The following PLEKHO2 variants were observed in gnomAD, a reference collection of about 807,000 sequenced individuals.
The protein encoded by PLEKHO2 is pleckstrin homology domain containing O2, also known as pleckstrin homology domain-containing family O member 2.
In PLEKHO2, 20 loss-of-function variants were observed where a neutral mutation model predicts 32.7. The ratio of observed to expected loss-of-function variants is 0.61; its 90% CI spans 0.43 to 0.89. PLEKHO2 has a LOEUF of 0.89. Among genes scored for constraint, PLEKHO2 ranks in the 40% least tolerant of loss-of-function variants. The pLI is 0.00. For synonymous variants in PLEKHO2, 247 were observed against 246.3 expected, an observed-to-expected ratio of 1.00 and a Z score of -0.03; for missense variants, 568 against 621.2, an observed-to-expected ratio of 0.91 and a Z score of 0.91.
At chr15:64,859,648 G>C (rs1339253673) in intron 3 of PLEKHO2, among the ~76,000 whole-genome samples, 1 of 152,244 alleles carries the variant, frequency 6.6e-6, no homozygotes, top group Non-Finnish European at 1.5e-5. Flanking sequence ...CATGGAGCTG[G>C]ACCAGATCCG....
chr15:64,866,500 AG>A lies in PLEKHO2; in HGVS notation c.*613del, dbSNP rs1351812895. On this transcript the variant is annotated 3_prime_UTR_variant, in exon 6 of 6. Transcript: ENST00000323544. ...GAGGCCTCTTTGTGAGGAGGACATT[AG>A]CTGTGTGGCCTCTCTCTCTTTGGCC... 2.4e-6 allele frequency: 1 copy of A among 413,796 alleles called. No individual in the cohort carries two copies. The highest frequency in any genetic ancestry group is 2.8e-5 in the Admixed American group (1 of 35,350). 25.6% of individuals were successfully genotyped at this position (413,796 alleles called of 1,614,324 possible).
At chr15:64,859,827 C>A in intron 3 of PLEKHO2, 67 bp from the exon 4 acceptor site, 1 of 1,362,760 alleles carries the variant, frequency 7.3e-7, no homozygotes, top group Admixed American at 1.7e-5. Context: ...GTAAGGAAGC[C>A]TCCTTAAGAT....
At chr15:64,845,828 G>A (rs2140337935) in intron 1 of PLEKHO2, among the ~76,000 whole-genome samples, 1 of 152,286 alleles carries the variant, frequency 6.6e-6, no homozygotes, top group East Asian at 1.9e-4. Flanking sequence ...GTCATGAGTG[G>A]AGAGAGTTTA....
chr15:64,857,010 C>T (rs967975658), intron 3 of PLEKHO2, among the ~76,000 whole-genome samples: 5 of 152,212 alleles, frequency 3.3e-5, no homozygotes, highest in Non-Finnish European at 7.3e-5. Flanking sequence ...CCTGCTTCTC[C>T]AGCCCCACAC....
At chr15:64,856,076 A>G (rs1167370343) in intron 3 of PLEKHO2, among the ~76,000 whole-genome samples, 1 of 151,952 alleles carries the variant, frequency 6.6e-6, no homozygotes, top group Non-Finnish European at 1.5e-5. Flanking sequence ...ATCCCAGGGT[A>G]GCGGCTGGTA....
chr15:64,859,771 G>C (rs934207883), intron 3 of PLEKHO2, 123 bp from the exon 4 acceptor site: 3 of 777,026 alleles, frequency 3.9e-6, no homozygotes, highest in Non-Finnish European at 6.7e-6. Flanking sequence ...AAGCCCCAGT[G>C]TCATACTTAA....
At chr15:64,854,221 G>C (rs114062024) in intron 2 of PLEKHO2, among the ~76,000 whole-genome samples, 3 of 152,344 alleles carry the variant, frequency 2.0e-5, no homozygotes, top group African/African-American at 7.2e-5. Flanking sequence ...CTGGTGTCCA[G>C]AGATGGCCGG....
chr15:64,858,737 T>A (rs1460132840), intron 3 of PLEKHO2, among the ~76,000 whole-genome samples: 2 of 152,154 alleles, frequency 1.3e-5, no homozygotes, highest in Non-Finnish European at 2.9e-5. Flanking sequence ...TTTAGATATA[T>A]CTTTTTTCCC....
intron 3 of PLEKHO2, among the ~76,000 whole-genome samples, chr15:64,855,998 G>A (rs544409831): frequency 6.6e-6 from 1 of 152,176 alleles, no homozygotes; most frequent in African/African-American, 2.4e-5. Context: ...AGGGGGTGGG[G>A]GCGCAGAAGC....
intron 1 of PLEKHO2, 89 bp downstream of exon 1, chr15:64,842,117 C>T: frequency 8.9e-7 from 1 of 1,119,882 alleles, no homozygotes; most frequent in Non-Finnish European, 1.1e-6. Context: ...TCGTTCCTGC[C>T]CGCCCCACTC....
rs2084486447 is a variant in PLEKHO2, at chr15:64,841,916, G to C, written c.-101G>C. On this transcript the variant is annotated 5_prime_UTR_variant, in exon 1 of 6. Coordinates refer to ENST00000323544, the MANE Select transcript of PLEKHO2 (RefSeq NM_025201.5). ...TGGGCCCCCGGCAGCCGGCGGGACA[G>C]AACGCGGAGAGTCGCCGCCTGGCCG... The C allele has an allele frequency of 8.5e-7, 1 of 1,171,216 alleles. No individual in the cohort carries two copies. The highest frequency in any genetic ancestry group is 1.1e-6 in the Non-Finnish European group (1 of 935,240). The allele number at this position is 1,171,216 out of a possible 1,614,324, so 72.6% of individuals were successfully genotyped here.
chr15:64,858,138 G>A (rs1438942978), intron 3 of PLEKHO2, among the ~76,000 whole-genome samples: 2 of 152,230 alleles, frequency 1.3e-5, no homozygotes, highest in Non-Finnish European at 2.9e-5. Context: ...AGCCCTGATG[G>A]CTGAGCTGAG....
chr15:64,865,558 A>T lies in PLEKHO2; in HGVS notation c.1143A>T (p.Pro381=). The T allele has an allele frequency of 6.2e-7, 1 of 1,614,100 alleles. No homozygotes were observed. Among genetic ancestry groups the T allele is most frequent in the Non-Finnish European group, 8.5e-7 (1 of 1,179,984 alleles). The part of the protein sequence containing the change: ...TSTALPPWDL[P]PQFHPRCSSL... ...CAGCACTGCCCCCCTGGGACCTGCC[A>T]CCTCAGTTCCATCCCCGCTGCTCCT... is the stretch of plus-strand genomic sequence containing the variant. The change falls in exon 6 of 6, where the codon CCA becomes CCT. Residue 381 remains proline, a synonymous_variant. Transcript: ENST00000323544.
chr15:64,860,831 G>A (rs762512767), intron 4 of PLEKHO2, among the ~76,000 whole-genome samples: 1 of 152,236 alleles, frequency 6.6e-6, no homozygotes, highest in Admixed American at 6.5e-5. Context: ...CATGGGCTGG[G>A]CCTCAGCCCA....
chr15:64,855,766 C>G (rs764408485), intron 3 of PLEKHO2, among the ~76,000 whole-genome samples: 1 of 152,174 alleles, frequency 6.6e-6, no homozygotes, highest in Admixed American at 6.5e-5. Flanking sequence ...CCAGCTTGCA[C>G]CCATCTGCGG....
rs773342202 is a variant in PLEKHO2 at position 64,865,812 on chromosome 15, A to T, written c.1397A>T (p.Glu466Val). The T allele has an allele frequency of 3.7e-6, 6 of 1,613,612 alleles. 1 individual carries two copies. In the Admixed American group the frequency reaches 1.0e-4, roughly 27 times the overall value. Residue 466 changes from glutamate to valine, a missense_variant, in exon 6 of 6, where the codon GAG becomes GTG. Coordinates refer to ENST00000323544, the MANE Select transcript of PLEKHO2 (RefSeq NM_025201.5). ...QVLQEMRDLGELSQEAPGLRE... is the reference protein window; with the variant it reads ...QVLQEMRDLGVLSQEAPGLRE... ...CTGCAGGAAATGAGAGATTTGGGAG[A>T]GCTGAGCCAGGAAGCACCTGGGCTA...
chr15:64,854,721 C>G (rs1370140195), intron 2 of PLEKHO2, among the ~76,000 whole-genome samples, 200 bp from the exon 3 acceptor site: 1 of 152,216 alleles, frequency 6.6e-6, no homozygotes, highest in Non-Finnish European at 1.5e-5. Flanking sequence ...GGATGGGGAG[C>G]CTTGTGGGCA....
chr15:64,859,849 G>A, intron 3 of PLEKHO2, 45 bp from the exon 4 acceptor site: 2 of 1,529,710 alleles, frequency 1.3e-6, no homozygotes, highest in Non-Finnish European at 1.8e-6. Context: ...CCAAATGTGA[G>A]CTTTGTTAAA....
chr15:64,861,132 A>G (rs2084638139), intron 4 of PLEKHO2, among the ~76,000 whole-genome samples: 1 of 152,016 alleles, frequency 6.6e-6, no homozygotes, highest in African/African-American at 2.4e-5. Flanking sequence ...TCCAGAAACC[A>G]GGTACCAGGG....
Sources: allele counts gnomAD v4.1 joint callset (sites outside exome capture counted in the v4.1 genomes callset), GRCh38; gene constraint gnomAD v4.1.1; transcripts MANE v1.5; gene names NCBI Gene and HGNC (gene_info 2026-07-23, HGNC 2026-07-21).